POLA1: variants seen among roughly 807,000 people sequenced by gnomAD.
POLA1 encodes the protein DNA polymerase alpha 1, catalytic subunit, also known as DNA polymerase alpha catalytic subunit.
In POLA1, 15 loss-of-function variants were observed where a neutral mutation model predicts 124.0. That is an observed-to-expected ratio of 0.12 (90% CI 0.08 to 0.19). POLA1 has a LOEUF of 0.19. Ranked by LOEUF, POLA1 falls within the 10% of genes least tolerant of loss-of-function variation. POLA1 has a pLI of 1.00. For synonymous variants in POLA1, 408 were observed against 389.4 expected (o/e 1.05, Z -0.56); for missense variants, 886 against 1,103.4 (o/e 0.80, Z 2.79).
At chrX:24,926,139 A>G (rs1475687152) in intron 35 of POLA1, among the ~76,000 whole-genome samples, 1 of 109,525 alleles carries the variant, frequency 9.1e-6, no homozygotes, top group Non-Finnish European at 1.9e-5. Flanking sequence ...CCAGGAGTTC[A>G]AGGCTGCAAT....
At chrX:24,943,469 C>T (rs1295884093) in intron 36 of POLA1, among the ~76,000 whole-genome samples, 1 of 112,343 alleles carries the variant, frequency 8.9e-6, no homozygotes, top group Non-Finnish European at 1.9e-5. Flanking sequence ...ATGTTTACTG[C>T]TGAACTAATT....
At chrX:24,831,670 C>T (rs2046263658) in intron 32 of POLA1, among the ~76,000 whole-genome samples, 1 of 112,249 alleles carries the variant, frequency 8.9e-6, no homozygotes, top group African/African-American at 3.2e-5. Flanking sequence ...ATCCGCCTGC[C>T]TCGGCCTCCC....
At chrX:24,852,502 G>A (rs1466832531) in intron 34 of POLA1, among the ~76,000 whole-genome samples, 1 of 110,412 alleles carries the variant, frequency 9.1e-6, no homozygotes, top group Admixed American at 9.6e-5. Context: ...TAGAGATAGG[G>A]TTTCTCCATG....
intron 26 of POLA1, among the ~76,000 whole-genome samples, chrX:24,807,633 G>T (rs2045822288): frequency 8.9e-6 from 1 of 112,086 alleles, no homozygotes; most frequent in Admixed American, 9.5e-5. Flanking sequence ...TTACAGTGAA[G>T]TCTGCACTTA....
chrX:24,772,311 T>A (rs1190669343), intron 26 of POLA1, among the ~76,000 whole-genome samples: 2 of 111,808 alleles, frequency 1.8e-5, no homozygotes, highest in Non-Finnish European at 3.8e-5. Context: ...AAGATGTGAA[T>A]TCTGAAAACA....
At chrX:24,983,914 C>T (rs2048450489) in intron 36 of POLA1, among the ~76,000 whole-genome samples, 1 of 111,190 alleles carries the variant, frequency 9.0e-6, no homozygotes, top group African/African-American at 3.3e-5. Context: ...TCTGTCGTGT[C>T]CTCTACTACC....
chrX:24,697,341 G>A (rs1390846799), intron 1 of POLA1, among the ~76,000 whole-genome samples: 2 of 111,440 alleles, frequency 1.8e-5, no homozygotes, highest in Non-Finnish European at 3.8e-5. Flanking sequence ...GAGGGGAATC[G>A]CTTTTCACTT....
chrX:24,729,745 G>GT (rs1930774428), intron 15 of POLA1, among the ~76,000 whole-genome samples: 2 of 109,996 alleles, frequency 1.8e-5, no homozygotes, highest in Admixed American at 1.9e-4. Flanking sequence ...TTTTTTAACA[G>GT]CATTTTGTCA....
At chrX:24,895,626 G>A (rs953554309) in intron 35 of POLA1, among the ~76,000 whole-genome samples, 1 of 112,155 alleles carries the variant, frequency 8.9e-6, no homozygotes, top group Non-Finnish European at 1.9e-5. Flanking sequence ...ATGCAACAGA[G>A]ACCTTCCAAT....
chrX:24,873,265 G>A (rs1367675306), intron 34 of POLA1, among the ~76,000 whole-genome samples: 1 of 111,570 alleles, frequency 9.0e-6, no homozygotes, highest in Non-Finnish European at 1.9e-5. Context: ...CTGTTGGTGG[G>A]CATGAAAAAT....
intron 11 of POLA1, among the ~76,000 whole-genome samples, chrX:24,723,864 A>G (rs1209521000): frequency 8.9e-6 from 1 of 112,227 alleles, no homozygotes; most frequent in Non-Finnish European, 1.9e-5. Flanking sequence ...TATTTTTAGT[A>G]GATACAGGGT....
chrX:24,768,762 C>T (rs766180339), intron 26 of POLA1, among the ~76,000 whole-genome samples: 2 of 112,021 alleles, frequency 1.8e-5, no homozygotes, highest in African/African-American at 6.5e-5. Context: ...AATTCCAAGA[C>T]ACTCACTGAC....
intron 17 of POLA1, among the ~76,000 whole-genome samples, chrX:24,734,519 T>C (rs759454799): frequency 8.9e-6 from 1 of 112,030 alleles, no homozygotes; most frequent in South Asian, 3.8e-4. Context: ...GCTTGAGAAG[T>C]CCAGTAGTTG....
chrX:24,969,296 T>C (rs954537257), intron 36 of POLA1, among the ~76,000 whole-genome samples: 2 of 110,828 alleles, frequency 1.8e-5, no homozygotes, highest in Admixed American at 9.6e-5. Context: ...GGCAGAACCC[T>C]TTATCTCCCA....
intron 35 of POLA1, among the ~76,000 whole-genome samples, chrX:24,915,267 T>C (rs1011504856): frequency 1.8e-5 from 2 of 111,995 alleles, no homozygotes; most frequent in African/African-American, 6.5e-5. Context: ...TTGTATACCA[T>C]TTCATATTAG....
chrX:24,795,831 C>A (rs1337999862), intron 26 of POLA1, among the ~76,000 whole-genome samples: 1 of 109,858 alleles, frequency 9.1e-6, no homozygotes, highest in African/African-American at 3.3e-5. Context: ...CTCCTCCCAC[C>A]CCCATCCACC....
intron 13 of POLA1, among the ~76,000 whole-genome samples, 154 bp from the exon 14 acceptor site, chrX:24,726,779 G>A (rs753007549): frequency 1.8e-5 from 2 of 111,780 alleles, no homozygotes; most frequent in Admixed American, 1.9e-4. Context: ...GAATTGTTTT[G>A]GATTTCATTT....
intron 34 of POLA1, among the ~76,000 whole-genome samples, chrX:24,866,137 T>G: frequency 8.9e-6 from 1 of 112,361 alleles, no homozygotes; most frequent in Non-Finnish European, 1.9e-5. Flanking sequence ...GAGAAATGTG[T>G]TTAGAACCCT....
intron 36 of POLA1, among the ~76,000 whole-genome samples, chrX:24,962,266 CT>C (rs926069462): frequency 9.0e-6 from 1 of 110,512 alleles, no homozygotes; most frequent in African/African-American, 3.3e-5. Flanking sequence ...AAGTGAAAAA[CT>C]GTAAAAAAAA....
Sources: allele counts gnomAD v4.1 joint callset (sites outside exome capture counted in the v4.1 genomes callset), GRCh38; gene constraint gnomAD v4.1.1; transcripts MANE v1.5; gene names NCBI Gene and HGNC (gene_info 2026-07-23, HGNC 2026-07-21).